Variants in STPG2 observed in about 807,000 individuals in gnomAD.
STPG2 encodes the protein sperm tail PG-rich repeat containing 2.
STPG2 carries 56 observed loss-of-function variants against 54.2 expected under a neutral mutation model. The ratio of observed to expected loss-of-function variants is 1.03; its 90% CI spans 0.83 to 1.29. STPG2 has a LOEUF of 1.29. STPG2 is among the 50% of genes most tolerant of loss of function. The pLI is 0.00. For synonymous variants in STPG2, 200 were observed against 181.8 expected (o/e 1.10, Z -0.81); for missense variants, 596 against 544.9 (o/e 1.09, Z -0.93).
intron 5 of STPG2, among the ~76,000 whole-genome samples, chr4:98,014,753 C>T (rs1457671340): frequency 6.6e-6 from 1 of 152,024 alleles, no homozygotes. Context: ...TTTCATTTCT[C>T]TTTGATGAAA....
At chr4:97,968,239 C>G in intron 7 of STPG2, among the ~76,000 whole-genome samples, 1 of 151,364 alleles carries the variant, frequency 6.6e-6, no homozygotes, top group African/African-American at 2.4e-5. Flanking sequence ...CACCTCTACA[C>G]GAATTTTGAA....
intron 8 of STPG2, among the ~76,000 whole-genome samples, chr4:97,941,312 TC>T (rs1314227469): frequency 6.6e-6 from 1 of 152,106 alleles, no homozygotes; most frequent in Non-Finnish European, 1.5e-5. Context: ...TTTATATTTA[TC>T]CTCCTTGGCA....
chr4:97,788,955 T>A (rs1726910349), intron 9 of STPG2, among the ~76,000 whole-genome samples: 1 of 152,076 alleles, frequency 6.6e-6, no homozygotes, highest in South Asian at 2.1e-4. Flanking sequence ...AAATAATTAG[T>A]CTTTCATTTT....
rs78346583 is a variant in STPG2, at chr4:97,942,988, A to G, written c.1044+909T>C. Among the ~76,000 whole-genome samples the G allele has an allele frequency of 4.1e-3, 619 of 152,286 alleles. 28 individuals are homozygous for G. The East Asian group carries it at 0.1, about 25-fold the overall frequency. ...GGAGTGCTATAACAAAATACCATAA[A>G]CTGGGTAGCTTGTAAATGAAATTTA... On this transcript the variant is annotated intron_variant, in intron 8 of 10. Coordinates refer to ENST00000295268, the MANE Select transcript of STPG2 (RefSeq NM_174952.3).
chr4:97,944,035 ACAT>A (rs764807931), intron 7 of STPG2, 28 bp from the exon 8 acceptor site: 7 of 1,446,628 alleles, frequency 4.8e-6, no homozygotes, highest in Non-Finnish European at 6.8e-6. Context: ...TAAAAAGAGT[ACAT>A]CATTTATTTT....
chr4:97,554,583 A>G (rs1732036993), downstream of STPG2, among the ~76,000 whole-genome samples: 1 of 151,918 alleles, frequency 6.6e-6, no homozygotes, highest in Admixed American at 6.6e-5. Flanking sequence ...TGTCTGTCTT[A>G]TTTTCTAATT....
At chr4:97,704,035 G>A (rs1723869961) in intron 10 of STPG2, among the ~76,000 whole-genome samples, 1 of 151,954 alleles carries the variant, frequency 6.6e-6, no homozygotes, top group South Asian at 2.1e-4. Flanking sequence ...TTTTCTGCCT[G>A]CTTTATATTC....
chr4:97,485,164 T>C (rs1004573155), intron 4 of STPG2, among the ~76,000 whole-genome samples: 11 of 151,720 alleles, frequency 7.3e-5, no homozygotes, highest in Non-Finnish European at 1.6e-4. Flanking sequence ...GGATGTCCAC[T>C]CTCACCACTC....
At chr4:97,638,168 A>G (rs1721626158) in intron 10 of STPG2, among the ~76,000 whole-genome samples, 1 of 152,188 alleles carries the variant, frequency 6.6e-6, no homozygotes, top group Non-Finnish European at 1.5e-5. Context: ...GGAACAGAAC[A>G]GAGCCCTCAG....
chr4:97,539,313 A>G (rs1245107080), intron 4 of STPG2, among the ~76,000 whole-genome samples: 1 of 152,190 alleles, frequency 6.6e-6, no homozygotes, highest in Non-Finnish European at 1.5e-5. Flanking sequence ...ACATGCAGAG[A>G]CACAGACAGG....
At chr4:97,742,421 T>C (rs1168590236) in intron 9 of STPG2, among the ~76,000 whole-genome samples, 4 of 150,880 alleles carry the variant, frequency 2.7e-5, no homozygotes, top group Non-Finnish European at 5.9e-5. Context: ...CAGTACTTCT[T>C]AAAGAGATAG....
intron 9 of STPG2, among the ~76,000 whole-genome samples, chr4:97,821,933 A>G (rs1728104097): frequency 6.6e-6 from 1 of 152,050 alleles, no homozygotes; most frequent in South Asian, 2.1e-4. Context: ...CCTTTTTCCC[A>G]TGTCTTGGCT....
At chr4:98,076,368 G>A (rs954195752) in intron 5 of STPG2, among the ~76,000 whole-genome samples, 2 of 152,058 alleles carry the variant, frequency 1.3e-5, no homozygotes, top group African/African-American at 4.8e-5. Flanking sequence ...TAAAATTGAT[G>A]TAACTTTAAT....
intron 10 of STPG2, among the ~76,000 whole-genome samples, chr4:97,560,374 G>A (rs542612251): frequency 1.3e-5 from 2 of 152,154 alleles, no homozygotes; most frequent in South Asian, 2.1e-4. Flanking sequence ...TTCCTTTTTG[G>A]AGTACTAGAA....
chr4:97,710,982 A>G (rs1724095021), intron 10 of STPG2, among the ~76,000 whole-genome samples: 1 of 151,728 alleles, frequency 6.6e-6, no homozygotes, highest in South Asian at 2.1e-4. Context: ...ATGGGAAATA[A>G]TTTTGCATAA....
At chr4:97,538,985 CAA>C (rs1731616906) in intron 4 of STPG2, among the ~76,000 whole-genome samples, 1 of 152,134 alleles carries the variant, frequency 6.6e-6, no homozygotes, top group Non-Finnish European at 1.5e-5. Flanking sequence ...TACAGATAAG[CAA>C]ATGCTGAGAG....
intron 5 of STPG2, among the ~76,000 whole-genome samples, chr4:98,083,843 C>G (rs1738425025): frequency 6.6e-6 from 1 of 152,130 alleles, no homozygotes; most frequent in African/African-American, 2.4e-5. Flanking sequence ...AATTCTTCCA[C>G]AGCTAATCTA....
chr4:97,681,018 A>T (rs1036337984), intron 10 of STPG2, among the ~76,000 whole-genome samples: 1 of 151,884 alleles, frequency 6.6e-6, no homozygotes, highest in Non-Finnish European at 1.5e-5. Flanking sequence ...GTTATTTGTG[A>T]TTTTATTCCG....
At chr4:97,476,028 A>C (rs936612289) in intron 4 of STPG2, among the ~76,000 whole-genome samples, 1 of 152,134 alleles carries the variant, frequency 6.6e-6, no homozygotes, top group Non-Finnish European at 1.5e-5. Context: ...AATATTGTCC[A>C]TCTCTCTCAT....
Sources: allele counts gnomAD v4.1 joint callset (sites outside exome capture counted in the v4.1 genomes callset), GRCh38; gene constraint gnomAD v4.1.1; transcripts MANE v1.5; gene names NCBI Gene and HGNC (gene_info 2026-07-23, HGNC 2026-07-21).